The following KNL1 variants were observed in gnomAD, a reference collection of about 807,000 sequenced individuals.
KNL1 encodes outer kinetochore KNL1 complex subunit KNL1.
Under a neutral mutation model 201.3 loss-of-function variants are expected in KNL1, and 66 were observed. That is an observed-to-expected ratio of 0.33 (90% confidence interval 0.27 to 0.40). The LOEUF is 0.40. KNL1 is among the 10% of genes least tolerant of loss of function. KNL1 has a pLI of 1.00. For missense variants in KNL1, 2,815 were observed against 2,690.5 expected, an observed-to-expected ratio of 1.05 and a Z score of -1.02; for synonymous variants, 895 against 899.2, an observed-to-expected ratio of 1.00 and a Z score of 0.08.
chr15:40,654,400 C>T (rs893873604), intron 21 of KNL1, among the ~76,000 whole-genome samples: 1 of 151,778 alleles, frequency 6.6e-6, no homozygotes, highest in African/African-American at 2.4e-5. Context: ...TTTTAAATGT[C>T]CTTCAAAGAC....
intron 13 of KNL1, among the ~76,000 whole-genome samples, chr15:40,638,181 C>CT (rs1893113824): frequency 7.3e-6 from 1 of 137,634 alleles, no homozygotes; most frequent in South Asian, 2.2e-4. Context: ...GAGTGAGACT[C>CT]TATCTCAAAA....
intron 7 of KNL1, among the ~76,000 whole-genome samples, chr15:40,614,044 C>T (rs1892260985): frequency 6.6e-6 from 1 of 150,704 alleles, no homozygotes; most frequent in South Asian, 2.1e-4. Context: ...GTGATCCACC[C>T]GCCTCGGCCT....
chr15:40,618,469 A>G (rs1032183626), intron 8 of KNL1, among the ~76,000 whole-genome samples: 1 of 152,090 alleles, frequency 6.6e-6, no homozygotes, highest in Non-Finnish European at 1.5e-5. Flanking sequence ...ATCATTTGAT[A>G]CTCTTCTCCA....
rs1893507814 is a variant in KNL1, at chr15:40,650,074, C to A, written c.6095-227C>A. On this transcript the variant is annotated intron_variant, in intron 17 of 25. Coordinates refer to ENST00000399668, the MANE Select transcript of KNL1 (RefSeq NM_144508.5). ...TGAATTGACCATGAGTACATGAATT[C>A]CATAGTCTAAAGTTCACCCCTTTGT... 8.2e-6 allele frequency: 3 copies of A among 367,956 alleles called. No homozygotes were observed. The South Asian group carries it at 1.0e-4, about 13-fold the overall frequency. The allele number at this position is 367,956 out of a possible 1,614,324, so 22.8% of individuals were successfully genotyped here. A position where few individuals can be genotyped will look rare whatever the true frequency, so the allele number is the denominator to read the frequency against.
At position 40,652,072 on chromosome 15, in the gene KNL1, A is replaced by T. The variant is rs748296403; in HGVS notation, c.6382A>T (p.Ile2128Leu). The T allele has an allele frequency of 2.5e-6, 4 of 1,613,642 alleles. No individual in the cohort carries two copies. Among genetic ancestry groups the T allele is most frequent in the Middle Eastern group, 1.6e-4 (1 of 6,084 alleles). The change falls in exon 21 of 26, where the codon ATA (isoleucine) becomes TTA (leucine). Residue 2128 changes from isoleucine to leucine, a missense_variant. Physicochemically the swap from Ile to Leu is conservative, Grantham distance 5. This residue lies in a region of KNL1 where 334 missense variants were observed against 362.6 expected (regional missense o/e 0.92). Transcript: ENST00000399668. ...QAVFTFVYDT[I>L]QLTITFEESV... ...TGTATTCACCTTTGTTTATGACACGATACAACTCACCATCACCTTTGAAGA... is the reference window on the plus strand; with the variant it reads ...TGTATTCACCTTTGTTTATGACACGTTACAACTCACCATCACCTTTGAAGA...
At chr15:40,601,117 C>T (rs558791493) in intron 1 of KNL1, among the ~76,000 whole-genome samples, 29 of 152,322 alleles carry the variant, frequency 1.9e-4, no homozygotes, top group Middle Eastern at 6.8e-3. Flanking sequence ...CCAGCATTAG[C>T]GGCCTGAGCT....
rs570858018 is a variant in KNL1, at chr15:40,610,881, C to T, written c.250+584C>T. The stretch of plus-strand genomic sequence containing the variant: ...TCTCCTGCCTCAGCCTCCCAGGTAG[C>T]CGGGATTACAGGCATGCACCACCAC... On this transcript the variant is annotated intron_variant, in intron 6 of 25. Coordinates refer to ENST00000399668, the MANE Select transcript of KNL1 (RefSeq NM_144508.5). 3.6e-4 allele frequency: 165 copies of T among 453,674 alleles called. No individual in the cohort carries two copies. The highest frequency in any genetic ancestry group is 2.9e-3 in the African/African-American group (144 of 50,064). 28.1% of individuals were successfully genotyped at this position (453,674 alleles called of 1,614,324 possible). A position where few individuals can be genotyped will look rare whatever the true frequency, so the allele number is the denominator to read the frequency against.
chr15:40,639,917 A>C (rs1285831283), intron 13 of KNL1, among the ~76,000 whole-genome samples: 3 of 151,752 alleles, frequency 2.0e-5, no homozygotes. Context: ...TCTACAAAAA[A>C]TTTTAAAATT....
chr15:40,611,713 C>T (rs907385255), intron 7 of KNL1, among the ~76,000 whole-genome samples: 2 of 151,336 alleles, frequency 1.3e-5, no homozygotes, highest in East Asian at 1.9e-4. Context: ...AATATATAAA[C>T]CTTTATATTT....
In KNL1 at chr15:40,628,690, TTC is replaced by T; in HGVS notation, c.5583+14_5583+15del. The T allele has an allele frequency of 6.7e-7, 1 of 1,498,572 alleles. No homozygotes were observed. 92.8% of individuals were successfully genotyped at this position (1,498,572 alleles called of 1,614,324 possible). On this transcript the variant is annotated intron_variant, in intron 12 of 25. Coordinates refer to ENST00000399668, the MANE Select transcript of KNL1 (RefSeq NM_144508.5). The stretch of plus-strand genomic sequence containing the variant: ...AGAGCTTGAGGGAGGTATGTTAAAA[TTC>T]TTTTTCTTTTTTTTATTTATAAAGA...
At chr15:40,641,430 A>G (rs1893226053) in intron 14 of KNL1, among the ~76,000 whole-genome samples, 1 of 152,242 alleles carries the variant, frequency 6.6e-6, no homozygotes, top group Non-Finnish European at 1.5e-5. Flanking sequence ...CACCTTCAAA[A>G]GAAAATATCC....
intron 13 of KNL1, among the ~76,000 whole-genome samples, 197 bp downstream of exon 13, chr15:40,629,568 A>C (rs1332517458): frequency 1.6e-5 from 2 of 128,058 alleles, no homozygotes; most frequent in Non-Finnish European, 3.1e-5. Context: ...CAGTGGCGCC[A>C]TCTCAGCTCA....
At chr15:40,650,515 CTGT>C in intron 18 of KNL1, 26 bp from the exon 19 acceptor site, 1 of 1,443,664 alleles carries the variant, frequency 6.9e-7, no homozygotes, top group Non-Finnish European at 9.3e-7. Context: ...TATGTTTGTT[CTGT>C]TTTTTTTTTT....
rs1417221733 is a variant in KNL1, at chr15:40,620,787, A to G, written c.523A>G (p.Thr175Ala). 3.7e-6 allele frequency: 6 copies of G among 1,613,650 alleles called. No individual in the cohort carries two copies. Among genetic ancestry groups the G allele is most frequent in the Non-Finnish European group, 5.1e-6 (6 of 1,179,852 alleles). The change falls in exon 10 of 26, where the codon ACC becomes GCC. Residue 175 changes from threonine to alanine, a missense_variant. Physicochemically the swap from Thr to Ala is moderately conservative, Grantham distance 58. This residue lies in a region of KNL1 where 2,464 missense variants were observed against 2,291.7 expected (regional missense o/e 1.08). Transcript: ENST00000399668. ...LLDNPISEKS[T>A]KIDTTSFLAN... is the part of the protein sequence containing the mutation. Reference sequence around the variant, plus strand: ...AGATAATCCCATAAGTGAAAAGTCCACCAAGATAGATACCACATCATTTCT... The same window carrying G: ...AGATAATCCCATAAGTGAAAAGTCCGCCAAGATAGATACCACATCATTTCT...
intron 6 of KNL1, chr15:40,610,651 G>C: frequency 1.6e-5 from 7 of 430,322 alleles, no homozygotes; most frequent in Non-Finnish European, 2.3e-5. Context: ...GATTGCACCA[G>C]TGCACTCCAG....
rs184957588 is a variant in KNL1, at chr15:40,633,005, C to T, written c.5682+3634C>T. Among the ~76,000 whole-genome samples, 592 of 152,196 alleles carry T rather than the reference C, an allele frequency of 3.9e-3. 10 individuals carry two copies. The highest frequency in any genetic ancestry group is 0.013 in the African/African-American group (554 of 41,510). On this transcript the variant is annotated intron_variant, in intron 13 of 25. Coordinates refer to ENST00000399668, the MANE Select transcript of KNL1 (RefSeq NM_144508.5). ...TGCGTAAGGACGTTTTGGTTAACAA[C>T]GGACCACATATACACAGGGGGTCCC...
chr15:40,601,940 T>C (rs1595912595), intron 1 of KNL1, among the ~76,000 whole-genome samples: 1 of 122,602 alleles, frequency 8.2e-6, no homozygotes, highest in African/African-American at 3.0e-5. Context: ...CAATTTCGGC[T>C]CACTGCAAGC....
rs1039554680 is a variant in KNL1 at position 40,663,083 on chromosome 15, G to A, written c.*895G>A. 8 of 162,864 alleles carry A rather than the reference G, an allele frequency of 4.9e-5. No individual in the cohort carries two copies. Among genetic ancestry groups the A allele is most frequent in the South Asian group, 2.0e-4 (1 of 4,902 alleles). The allele number at this position is 162,864 out of a possible 1,614,324, so 10.1% of individuals were successfully genotyped here. On this transcript the variant is annotated 3_prime_UTR_variant, in exon 26 of 26. Coordinates refer to ENST00000399668, the MANE Select transcript of KNL1 (RefSeq NM_144508.5). ...TTTTCTTTTTCTTTTTTTTTGAGAC[G>A]GAGTCTTGCTCTGTCGCCCAGGCTG... is the stretch of plus-strand genomic sequence containing the variant.
intron 13 of KNL1, among the ~76,000 whole-genome samples, chr15:40,637,080 C>T (rs1893076382): frequency 6.6e-6 from 1 of 151,586 alleles, no homozygotes; most frequent in African/African-American, 2.4e-5. Flanking sequence ...TTCTTGGGAT[C>T]CAAATGAGAT....
Sources: gnomAD v4.1 joint callset for allele counts (sites outside exome capture counted in the v4.1 genomes callset) on GRCh38, gnomAD v4.1.1 for gene constraint, gnomAD v4.1.1 regional missense constraint, MANE v1.5 for transcripts, NCBI Gene and HGNC (gene_info 2026-07-23, HGNC 2026-07-21) for gene names.